Variants in SLC1A1 observed in about 807,000 individuals in gnomAD.
SLC1A1 encodes excitatory amino acid transporter 3.
SLC1A1 carries 43 observed loss-of-function variants against 53.3 expected under a neutral mutation model. The ratio of observed to expected loss-of-function variants is 0.81; its 90% CI spans 0.63 to 1.04. The LOEUF (loss-of-function observed/expected upper bound fraction) is 1.04, where lower values mean the gene tolerates loss of function less well. Among genes scored for constraint, SLC1A1 ranks in the 50% least tolerant of loss-of-function variants. The pLI is 0.00. For missense variants in SLC1A1, 748 were observed against 664.9 expected (o/e 1.12, Z -1.37); for synonymous variants, 307 against 243.2 (o/e 1.26, Z -2.44).
rs747351979 is a variant in SLC1A1, at chr9:4,561,495, C to T, written c.279C>T (p.Arg93=). ...DSNVSGKIGL[R]AVVYYFCTTL... ...ACGTATCCGGAAAAATTGGTCTGCG[C>T]GCTGTCGTGTATTATTTCTGTACCA... is the stretch of plus-strand genomic sequence containing the variant. Residue 93 remains arginine, a synonymous_variant, in exon 3 of 12, where the codon CGC becomes CGT. Coordinates refer to ENST00000262352, the MANE Select transcript of SLC1A1 (RefSeq NM_004170.6). 2.4e-5 allele frequency: 38 copies of T among 1,610,220 alleles called. No homozygotes were observed. Among genetic ancestry groups the T allele is most frequent in the African/African-American group, 1.6e-4 (12 of 74,836 alleles).
At chr9:4,573,495 C>G (rs1820255578) in intron 7 of SLC1A1, among the ~76,000 whole-genome samples, 1 of 152,130 alleles carries the variant, frequency 6.6e-6, no homozygotes, top group Non-Finnish European at 1.5e-5. Flanking sequence ...ATACTATCGC[C>G]TCTATTGCTG....
chr9:4,502,605 A>C (rs1820674837), intron 1 of SLC1A1, among the ~76,000 whole-genome samples: 1 of 151,568 alleles, frequency 6.6e-6, no homozygotes, highest in Non-Finnish European at 1.5e-5. Context: ...CCAGATGAGG[A>C]AACTGAAATT....
intron 1 of SLC1A1, among the ~76,000 whole-genome samples, chr9:4,533,292 C>T (rs1816547455): frequency 6.6e-6 from 1 of 152,132 alleles, no homozygotes; most frequent in African/African-American, 2.4e-5. Flanking sequence ...AGTCAAGACC[C>T]ATCAGTGTGC....
chr9:4,498,222 C>G (rs1820507267), intron 1 of SLC1A1, among the ~76,000 whole-genome samples: 1 of 152,116 alleles, frequency 6.6e-6, no homozygotes. Context: ...ATGACCTAGA[C>G]ATTGAGTCAA....
At chr9:4,509,504 C>G (rs528218983) in intron 1 of SLC1A1, among the ~76,000 whole-genome samples, 2 of 145,946 alleles carry the variant, frequency 1.4e-5, no homozygotes, top group Non-Finnish European at 3.0e-5. Context: ...GGCAGGGAAC[C>G]AAAAGGCAGG....
intron 2 of SLC1A1, among the ~76,000 whole-genome samples, chr9:4,559,622 T>G (rs1818741036): frequency 6.6e-6 from 1 of 152,136 alleles, no homozygotes; most frequent in Non-Finnish European, 1.5e-5. Flanking sequence ...GCCATACAGG[T>G]TTACTGCCTT....
rs6150901 is a variant in SLC1A1 at position 4,545,189 on chromosome 9, GTCTCTCTCTC to G, written c.232+503_232+512del. On this transcript the variant is annotated intron_variant, in intron 2 of 11. Coordinates refer to ENST00000262352, the MANE Select transcript of SLC1A1 (RefSeq NM_004170.6). ...CGGGAAAAATTGAAATACATTAGATGTCTCTCTCTCTCTCTCTCTCTCTCTCTCTCCACCT... is the reference window on the plus strand; with the variant it reads ...CGGGAAAAATTGAAATACATTAGATGTCTCTCTCTCTCTCTCTCTCCACCT... 2.2e-4 allele frequency among the ~76,000 whole-genome samples: 29 copies of G among 130,906 alleles called. 1 individual carries two copies. In the Admixed American group the frequency reaches 2.3e-3, roughly 10 times the overall value. The allele number at this position is 130,906 out of a possible 152,430, so 85.9% of individuals were successfully genotyped here.
In SLC1A1 at chr9:4,546,732, A is replaced by G. The variant is rs137963030; in HGVS notation, c.232+2025A>G. On this transcript the variant is annotated intron_variant, in intron 2 of 11. Transcript: ENST00000262352. ...GGCTGGTCTTGAATTTCTAGGCTCA[A>G]GCAATCCACCCACCTCAACCTCCCA... is the stretch of plus-strand genomic sequence containing the variant. Among the ~76,000 whole-genome samples, 287 of 152,334 alleles carry G rather than the reference A, an allele frequency of 1.9e-3. 1 individual carries two copies. Among genetic ancestry groups the G allele is most frequent in the African/African-American group, 6.3e-3 (262 of 41,576 alleles).
chr9:4,520,416 T>C (rs1816027684), intron 1 of SLC1A1, among the ~76,000 whole-genome samples: 1 of 152,146 alleles, frequency 6.6e-6, no homozygotes, highest in Non-Finnish European at 1.5e-5. Flanking sequence ...TCTATTTTTC[T>C]TTTTTCCCCG....
At chr9:4,531,325 G>C (rs1816461610) in intron 1 of SLC1A1, among the ~76,000 whole-genome samples, 1 of 152,224 alleles carries the variant, frequency 6.6e-6, no homozygotes. Flanking sequence ...AGGGGTGACA[G>C]ATGGCACCTG....
At chr9:4,513,901 A>G (rs1293681904) in intron 1 of SLC1A1, among the ~76,000 whole-genome samples, 2 of 152,198 alleles carry the variant, frequency 1.3e-5, no homozygotes, top group Non-Finnish European at 2.9e-5. Flanking sequence ...ACTCAGATGA[A>G]TCTTAGAGGC....
Position 4,583,882 on chromosome 9 carries a change from T to TCTCTCTCTCTCA in SLC1A1, c.1328+711_1328+712insTCTCTCTCTCAC, listed in dbSNP as rs1423949414. Reference sequence around the variant, plus strand: ...CTCTCTCTCTCTCTCTCTCTCTCTCTCACACACACACACACACACACACAC... The same window carrying TCTCTCTCTCTCA: ...CTCTCTCTCTCTCTCTCTCTCTCTCTCTCTCTCTCTCACACACACACACACACACACACACAC... On this transcript the variant is annotated intron_variant, in intron 11 of 11. Coordinates refer to ENST00000262352, the MANE Select transcript of SLC1A1 (RefSeq NM_004170.6). The surrounding 1 kb of genome is among the most constrained non-coding windows in gnomAD (Gnocchi z 4.6). Among the ~76,000 whole-genome samples, 55 of 137,036 alleles carry TCTCTCTCTCTCA rather than the reference T, an allele frequency of 4.0e-4. No individual in the cohort carries two copies. The highest frequency in any genetic ancestry group is 7.2e-4 in the Admixed American group (10 of 13,924). 89.9% of individuals were successfully genotyped at this position (137,036 alleles called of 152,430 possible).
At chr9:4,538,717 C>G (rs113145727) in intron 1 of SLC1A1, among the ~76,000 whole-genome samples, 1 of 152,150 alleles carries the variant, frequency 6.6e-6, no homozygotes, top group Admixed American at 6.5e-5. Flanking sequence ...AGCATCTGTG[C>G]TTTGAGCCGG....
At chr9:4,578,600 G>T (rs1156265837) in intron 10 of SLC1A1, among the ~76,000 whole-genome samples, 1 of 152,172 alleles carries the variant, frequency 6.6e-6, no homozygotes, top group Non-Finnish European at 1.5e-5. Context: ...AGAAAAGAGA[G>T]ATTTTCAAGG....
At chr9:4,551,520 G>C (rs140184786) in intron 2 of SLC1A1, among the ~76,000 whole-genome samples, 1,580 of 152,324 alleles carry the variant, frequency 0.01, 11 homozygotes, top group Middle Eastern at 0.02. Flanking sequence ...TGTACAACTT[G>C]CTATTAAATG....
chr9:4,530,396 G>A (rs1023196231), intron 1 of SLC1A1, among the ~76,000 whole-genome samples: 12 of 152,154 alleles, frequency 7.9e-5, no homozygotes, highest in African/African-American at 2.7e-4. Context: ...ATTCAGGAGC[G>A]GCTTCAAGAT....
chr9:4,490,660 G>A lies in SLC1A1; in HGVS notation c.-20G>A, dbSNP rs778606888. 11 of 1,608,758 alleles carry A rather than the reference G, an allele frequency of 6.8e-6. No homozygotes were observed. Among genetic ancestry groups the A allele is most frequent in the Middle Eastern group, 3.3e-4 (2 of 6,042 alleles). ...CCACGCGCGCACGGCCGAGCCCAGCGCACAATAGCGGCGACAGCCATGGGG... is the reference window on the plus strand; with the variant it reads ...CCACGCGCGCACGGCCGAGCCCAGCACACAATAGCGGCGACAGCCATGGGG... On this transcript the variant is annotated 5_prime_UTR_variant, in exon 1 of 12. Transcript: ENST00000262352.
chr9:4,508,478 G>C (rs1434131711), intron 1 of SLC1A1, among the ~76,000 whole-genome samples: 1 of 152,086 alleles, frequency 6.6e-6, no homozygotes, highest in Non-Finnish European at 1.5e-5. Flanking sequence ...ACCCTCACTT[G>C]AGCCCAAAGG....
chr9:4,498,073 A>T (rs1459119727), intron 1 of SLC1A1, among the ~76,000 whole-genome samples: 1 of 152,218 alleles, frequency 6.6e-6, no homozygotes, highest in Admixed American at 6.5e-5. Flanking sequence ...CTTGGGTTAT[A>T]AAACCTCTGA....
Sources: gnomAD v4.1 joint callset for allele counts (sites outside exome capture counted in the v4.1 genomes callset) on GRCh38, gnomAD v4.1.1 for gene constraint, Gnocchi (gnomAD v3.1) non-coding constraint, MANE v1.5 for transcripts, NCBI Gene and HGNC (gene_info 2026-07-23, HGNC 2026-07-21) for gene names.